PDE8A: variants seen among roughly 807,000 people sequenced by gnomAD.
PDE8A encodes high affinity cAMP-specific and IBMX-insensitive 3',5'-cyclic phosphodiesterase 8A.
PDE8A carries 59 observed loss-of-function variants against 105.0 expected under a neutral mutation model. The observed-to-expected ratio is 0.56, with a 90% CI of 0.46 to 0.70. The LOEUF (loss-of-function observed/expected upper bound fraction) is 0.70, where lower values mean the gene tolerates loss of function less well. Ranked by LOEUF, PDE8A falls within the 30% of genes least tolerant of loss-of-function variation. The pLI is 0.00. For synonymous variants in PDE8A, 355 were observed against 371.9 expected (o/e 0.95, Z 0.52); for missense variants, 1,014 against 1,045.9 (o/e 0.97, Z 0.42).
intron 1 of PDE8A, among the ~76,000 whole-genome samples, chr15:85,012,092 T>C (rs2080248768): frequency 6.6e-6 from 1 of 152,198 alleles, no homozygotes; most frequent in Non-Finnish European, 1.5e-5. Flanking sequence ...ACTTTTACAC[T>C]GTTGGTGGGA....
intron 1 of PDE8A, among the ~76,000 whole-genome samples, chr15:85,050,649 C>T (rs1256649436): frequency 6.6e-6 from 1 of 152,060 alleles, no homozygotes; most frequent in African/African-American, 2.4e-5. Flanking sequence ...TTTCTGGGCC[C>T]TTTATTCTAG....
chr15:85,037,553 T>C (rs1219423882), intron 1 of PDE8A, among the ~76,000 whole-genome samples: 1 of 152,252 alleles, frequency 6.6e-6, no homozygotes, highest in African/African-American at 2.4e-5. Context: ...TTAATTATAA[T>C]GTGAAATGAG....
chr15:85,138,217 T>A lies in PDE8A; in HGVS notation c.*314T>A, dbSNP rs908185101. On this transcript the variant is annotated 3_prime_UTR_variant, in exon 22 of 22. Coordinates refer to ENST00000394553, the MANE Select transcript of PDE8A (RefSeq NM_002605.3). The stretch of plus-strand genomic sequence containing the variant: ...GCCCCTGCAAAGGGTATTGATGGAC[T>A]TCCTGCCAGTGACAGAGCATGTCTA... 2.1e-5 allele frequency: 5 copies of A among 243,398 alleles called. No homozygotes were observed. Among genetic ancestry groups the A allele is most frequent in the Non-Finnish European group, 4.0e-5 (5 of 126,090 alleles). 15.1% of individuals were successfully genotyped at this position (243,398 alleles called of 1,614,324 possible).
chr15:85,074,953 A>G (rs1478048956), intron 3 of PDE8A, among the ~76,000 whole-genome samples: 1 of 152,126 alleles, frequency 6.6e-6, no homozygotes, highest in Admixed American at 6.5e-5. Flanking sequence ...TCCTCCTTTT[A>G]GAGTCCCTCT....
chr15:85,017,540 C>T (rs1030184452), intron 1 of PDE8A, among the ~76,000 whole-genome samples: 2 of 152,026 alleles, frequency 1.3e-5, no homozygotes, highest in Non-Finnish European at 2.9e-5. Flanking sequence ...CTAACTTTGT[C>T]AGGAAAGTTC....
chr15:85,069,145 A>G (rs1324675745), intron 3 of PDE8A, among the ~76,000 whole-genome samples: 1 of 152,250 alleles, frequency 6.6e-6, no homozygotes, highest in African/African-American at 2.4e-5. Flanking sequence ...AAACTCACAC[A>G]AATACCAAAT....
intron 1 of PDE8A, among the ~76,000 whole-genome samples, chr15:85,059,803 T>TA (rs1177047354): frequency 6.6e-6 from 1 of 152,182 alleles, no homozygotes; most frequent in Admixed American, 6.5e-5. Flanking sequence ...ATATTTAAAG[T>TA]AATTACTGAG....
chr15:85,130,345 T>C (rs1337379989), intron 20 of PDE8A, among the ~76,000 whole-genome samples: 7 of 152,228 alleles, frequency 4.6e-5, no homozygotes, highest in Non-Finnish European at 7.3e-5. Context: ...TATCAAAGCA[T>C]ATGCTATTTA....
At chr15:84,999,984 T>G (rs181432070) in intron 1 of PDE8A, among the ~76,000 whole-genome samples, 2 of 152,182 alleles carry the variant, frequency 1.3e-5, no homozygotes, top group Non-Finnish European at 2.9e-5. Context: ...CTAAACATAT[T>G]GTTGCTGCAA....
At chr15:85,025,667 C>T in intron 1 of PDE8A, among the ~76,000 whole-genome samples, 1 of 152,138 alleles carries the variant, frequency 6.6e-6, no homozygotes, top group East Asian at 1.9e-4. Flanking sequence ...AATAGAAAAA[C>T]CTGAAACTGT....
At chr15:84,986,540 A>G (rs923232912) in intron 1 of PDE8A, among the ~76,000 whole-genome samples, 4 of 151,944 alleles carry the variant, frequency 2.6e-5, no homozygotes, top group African/African-American at 7.3e-5. Context: ...TGGTTTCCAA[A>G]TGTTACTTAA....
At chr15:85,022,033 T>C (rs900941684) in intron 1 of PDE8A, among the ~76,000 whole-genome samples, 3 of 152,246 alleles carry the variant, frequency 2.0e-5, no homozygotes, top group Non-Finnish European at 4.4e-5. Context: ...ATTTTAAGAC[T>C]ATATACAAAT....
chr15:85,036,070 A>G (rs1390987369), intron 1 of PDE8A, among the ~76,000 whole-genome samples: 1 of 152,258 alleles, frequency 6.6e-6, no homozygotes, highest in African/African-American at 2.4e-5. Flanking sequence ...AACTGGATTG[A>G]AAAACATATT....
intron 1 of PDE8A, among the ~76,000 whole-genome samples, chr15:85,020,576 C>T (rs1316386806): frequency 6.6e-6 from 1 of 152,174 alleles, no homozygotes; most frequent in African/African-American, 2.4e-5. Flanking sequence ...TGCACTCTAG[C>T]CTGAGCGAGA....
intron 17 of PDE8A, among the ~76,000 whole-genome samples, chr15:85,118,885 G>A (rs1481230366): frequency 6.6e-6 from 1 of 152,220 alleles, no homozygotes; most frequent in Admixed American, 6.5e-5. Flanking sequence ...GAGTGAACAA[G>A]TGTTCATTCC....
At position 85,137,886 on chromosome 15, in the gene PDE8A, C is replaced by G; in HGVS notation, c.2473C>G (p.Arg825Gly). Residue 825 changes from arginine to glycine, a missense_variant, in exon 22 of 22, where the codon CGA becomes GGA. Transcript: ENST00000394553. Reference protein sequence around the residue: ...GLDEMKLRNLRPPPE With the variant: ...GLDEMKLRNLGPPPE ...GGACGAAATGAAGCTGCGGAACCTC[C>G]GACCACCTCCTGAATAGTGGGAGAC... 1.2e-6 allele frequency: 2 copies of G among 1,606,330 alleles called. No individual in the cohort carries two copies. Among genetic ancestry groups the G allele is most frequent in the African/African-American group, 1.3e-5 (1 of 74,886 alleles).
intron 20 of PDE8A, among the ~76,000 whole-genome samples, chr15:85,129,199 A>G (rs775139156): frequency 3.7e-4 from 57 of 152,156 alleles, no homozygotes; most frequent in Non-Finnish European, 6.3e-4. Context: ...TACAGGGGAT[A>G]TTGGCCTGCA....
rs75299828 is a variant in PDE8A, at chr15:84,989,960, A to C, written c.186+7612A>C. 6.5e-3 allele frequency among the ~76,000 whole-genome samples: 993 copies of C among 152,300 alleles called. 16 individuals carry two copies. Among genetic ancestry groups the C allele is most frequent in the African/African-American group, 0.023 (959 of 41,560 alleles). Reference sequence around the variant, plus strand: ...TATCTGTCCACTCCTTTATCCATCCATCAACCCATTTTATTTTTGGATTCA... The same window carrying C: ...TATCTGTCCACTCCTTTATCCATCCCTCAACCCATTTTATTTTTGGATTCA... On this transcript the variant is annotated intron_variant, in intron 1 of 21. Coordinates refer to ENST00000394553, the MANE Select transcript of PDE8A (RefSeq NM_002605.3).
At chr15:85,021,331 C>G (rs1328491614) in intron 1 of PDE8A, among the ~76,000 whole-genome samples, 1 of 152,110 alleles carries the variant, frequency 6.6e-6, no homozygotes, top group Non-Finnish European at 1.5e-5. Context: ...TGCTTGAAGC[C>G]AGGAGTTCAA....
Sources: gnomAD v4.1 joint callset for allele counts (sites outside exome capture counted in the v4.1 genomes callset) on GRCh38, gnomAD v4.1.1 for gene constraint, MANE v1.5 for transcripts, NCBI Gene and HGNC (gene_info 2026-07-23, HGNC 2026-07-21) for gene names.